Variants in CHLSN observed in about 807,000 individuals in gnomAD.
The protein encoded by CHLSN is protein cholesin.
At chr7:1,015,027 T>C in the CHLSN span, among the ~76,000 whole-genome samples, 7 of 152,208 alleles carry the variant, frequency 4.6e-5, no homozygotes, top group Non-Finnish European at 1.0e-4. Context: ...GGGGCCGCGT[T>C]GCCGGGCAGG....
chr7:1,104,865 G>A, the CHLSN span, among the ~76,000 whole-genome samples: 2,589 of 152,302 alleles, frequency 0.017, 92 homozygotes, highest in East Asian at 0.17. Flanking sequence ...CACACTATCC[G>A]CTTAGCCAGT....
chr7:1,102,335 C>T, the CHLSN span, among the ~76,000 whole-genome samples: 11 of 152,294 alleles, frequency 7.2e-5, no homozygotes, highest in Non-Finnish European at 1.5e-4. Context: ...ACTAAAGCTG[C>T]GGGCAGCTCT....
the CHLSN span, among the ~76,000 whole-genome samples, chr7:1,003,648 G>C: frequency 3.7e-5 from 3 of 81,080 alleles, no homozygotes; most frequent in Middle Eastern, 0.01. Context: ...AGTCCTGCGG[G>C]TGGGGAGTCC....
At chr7:1,043,438 T>G in the CHLSN span, 1 of 152,250 alleles carries the variant, frequency 6.6e-6, no homozygotes, top group Non-Finnish European at 1.5e-5. Context: ...AATACGGACG[T>G]ATCTACCTCA....
chr7:1,006,320 T>C, the CHLSN span, among the ~76,000 whole-genome samples: 416 of 118,994 alleles, frequency 3.5e-3, no homozygotes, highest in Middle Eastern at 0.024. Context: ...ACGGCCACAG[T>C]GCAGGGAAAG....
chr7:980,789 G>A, the CHLSN span, among the ~76,000 whole-genome samples: 2 of 148,750 alleles, frequency 1.3e-5, no homozygotes, highest in Non-Finnish European at 3.0e-5. Context: ...CCGGGTTCAC[G>A]CCATTCTCCT....
At chr7:983,353 C>G in the CHLSN span, 2 of 1,536,660 alleles carry the variant, frequency 1.3e-6, no homozygotes, top group Non-Finnish European at 1.7e-6. Flanking sequence ...GCACTTGCTG[C>G]GTCTGTCGCA....
At chr7:1,030,524 A>ACC in the CHLSN span, among the ~76,000 whole-genome samples, 2 of 152,114 alleles carry the variant, frequency 1.3e-5, no homozygotes, top group Non-Finnish European at 2.9e-5. Flanking sequence ...GCTTCCAGCT[A>ACC]CCCTGCTCTT....
chr7:1,046,372 T>C, the CHLSN span, among the ~76,000 whole-genome samples: 2 of 152,168 alleles, frequency 1.3e-5, no homozygotes, highest in Non-Finnish European at 2.9e-5. Flanking sequence ...CACGGTGCTG[T>C]TTTCTGTCAA....
the CHLSN span, among the ~76,000 whole-genome samples, chr7:992,392 C>T: frequency 2.0e-5 from 3 of 152,214 alleles, no homozygotes; most frequent in Non-Finnish European, 4.4e-5. Flanking sequence ...GGGTGAGGCC[C>T]CCCCACAGTA....
At chr7:1,122,230 C>A in the CHLSN span, among the ~76,000 whole-genome samples, 1 of 152,366 alleles carries the variant, frequency 6.6e-6, no homozygotes, top group Non-Finnish European at 1.5e-5. Flanking sequence ...TGTCAAGATG[C>A]TCGTGGGGAC....
the CHLSN span, among the ~76,000 whole-genome samples, chr7:995,804 C>T: frequency 2.4e-4 from 36 of 152,386 alleles, no homozygotes; most frequent in African/African-American, 8.2e-4. Flanking sequence ...GCAAGGCCCG[C>T]CCTGGGCCAG....
At chr7:1,043,402 A>G in the CHLSN span, 2 of 152,260 alleles carry the variant, frequency 1.3e-5, no homozygotes, top group African/African-American at 2.4e-5. Context: ...AGCTAACACT[A>G]ATCAATCGTG....
the CHLSN span, among the ~76,000 whole-genome samples, chr7:995,372 G>C: frequency 1.3e-5 from 2 of 152,224 alleles, no homozygotes; most frequent in Admixed American, 1.3e-4. Flanking sequence ...CCGGTGTCAG[G>C]GGAGCATCTG....
At chr7:992,193 C>G in the CHLSN span, among the ~76,000 whole-genome samples, 1 of 152,220 alleles carries the variant, frequency 6.6e-6, no homozygotes, top group African/African-American at 2.4e-5. Context: ...CCTGTACCCC[C>G]CCGCCTCTAG....
At chr7:983,858 A>C in the CHLSN span, among the ~76,000 whole-genome samples, 40 of 152,212 alleles carry the variant, frequency 2.6e-4, no homozygotes, top group African/African-American at 9.6e-4. Flanking sequence ...TGCTGAGGAC[A>C]GAGGGTACGG....
chr7:1,130,869 C>A, the CHLSN span, among the ~76,000 whole-genome samples: 1 of 152,198 alleles, frequency 6.6e-6, no homozygotes, highest in Non-Finnish European at 1.5e-5. Flanking sequence ...AGCCAGGGAA[C>A]ACCCAGAAAG....
the CHLSN span, chr7:988,437 C>T: frequency 5.0e-6 from 8 of 1,611,698 alleles, no homozygotes; most frequent in South Asian, 2.2e-5. Context: ...CCCTCGGGGC[C>T]GGGGTGGGGC....
chr7:1,097,392 C>A, the CHLSN span, among the ~76,000 whole-genome samples: 1 of 152,154 alleles, frequency 6.6e-6, no homozygotes, highest in African/African-American at 2.4e-5. This position sits in a 1 kb window ranked among gnomAD's most constrained non-coding sequence, Gnocchi z 4.3. Flanking sequence ...GCTGGGACAA[C>A]GTGAGCAGTA....
Sources: allele counts gnomAD v4.1 joint callset (sites outside exome capture counted in the v4.1 genomes callset), GRCh38; gene constraint gnomAD v4.1.1; non-coding constraint Gnocchi (gnomAD v3.1); transcripts MANE v1.5; gene names NCBI Gene and HGNC (gene_info 2026-07-23, HGNC 2026-07-21).